SLC35A1: variants seen among roughly 807,000 people sequenced by gnomAD.
SLC35A1 encodes CMP-sialic acid transporter.
Under a neutral mutation model 40.3 loss-of-function variants are expected in SLC35A1, and 21 were observed. The observed-to-expected ratio is 0.52, with a 90% CI of 0.37 to 0.75. SLC35A1 has a LOEUF of 0.75. Ranked by LOEUF, SLC35A1 falls within the 30% of genes least tolerant of loss-of-function variation. The pLI, the probability that SLC35A1 is intolerant of heterozygous loss-of-function variation, is 0.00. For synonymous variants in SLC35A1, 146 were observed against 147.3 expected (o/e 0.99, Z 0.06); for missense variants, 297 against 382.1 (o/e 0.78, Z 1.86).
At chr6:87,475,579 A>G (rs889136011) in intron 1 of SLC35A1, among the ~76,000 whole-genome samples, 1 of 152,220 alleles carries the variant, frequency 6.6e-6, no homozygotes, top group Admixed American at 6.5e-5. Flanking sequence ...AAAACCTGAT[A>G]TGGTTTTTAA....
At chr6:87,498,689 G>A (rs751973643) in intron 2 of SLC35A1, among the ~76,000 whole-genome samples, 1 of 152,186 alleles carries the variant, frequency 6.6e-6, no homozygotes, top group Non-Finnish European at 1.5e-5. Context: ...GAGAATCCAT[G>A]AACCTGGGAG....
chr6:87,476,117 G>A (rs544135215), intron 1 of SLC35A1, among the ~76,000 whole-genome samples: 57 of 152,206 alleles, frequency 3.7e-4, no homozygotes, highest in Non-Finnish European at 7.3e-4. Flanking sequence ...ACAGGCTCTG[G>A]TGCCTGAGAG....
intron 5 of SLC35A1, chr6:87,507,157 A>G (rs1770111890): frequency 6.6e-6 from 1 of 152,240 alleles, no homozygotes; most frequent in Non-Finnish European, 1.5e-5. Context: ...TTAGTAGAAT[A>G]TATTAGTTAT....
intron 2 of SLC35A1, among the ~76,000 whole-genome samples, chr6:87,494,826 G>C (rs1769670198): frequency 6.6e-6 from 1 of 152,164 alleles, no homozygotes; most frequent in Admixed American, 6.5e-5. Context: ...AATTACTGCT[G>C]CAATTCACGG....
chr6:87,511,615 A>G lies in SLC35A1; in HGVS notation c.*89A>G. On this transcript the variant is annotated 3_prime_UTR_variant, in exon 8 of 8. Transcript: ENST00000369552. ...CAATCTCAGAAGGTAGCATAAACAA[A>G]TAAAAATTAACTGTATGGCATGATC... 2.1e-6 allele frequency: 3 copies of G among 1,409,952 alleles called. No individual in the cohort carries two copies. Among genetic ancestry groups the G allele is most frequent in the Non-Finnish European group, 3.0e-6 (3 of 995,226 alleles). 87.3% of individuals were successfully genotyped at this position (1,409,952 alleles called of 1,614,324 possible).
intron 2 of SLC35A1, among the ~76,000 whole-genome samples, chr6:87,496,791 A>AAAAC (rs10658623): frequency 0.35 from 49,083 of 139,020 alleles, 9,476 homozygotes; most frequent in Admixed American, 0.43. Flanking sequence ...AAAAAAAAAA[A>AAAAC]AAAGAAAAAC....
chr6:87,474,784 A>G (rs550360265), intron 1 of SLC35A1, among the ~76,000 whole-genome samples: 36 of 152,332 alleles, frequency 2.4e-4, no homozygotes, highest in African/African-American at 7.5e-4. Flanking sequence ...GCACATACCT[A>G]AACTTATTTG....
In SLC35A1 at chr6:87,505,764, A is replaced by G. The variant is rs201268237; in HGVS notation, c.508-618A>G. Among the ~76,000 whole-genome samples, 3 of 152,166 alleles carry G rather than the reference A, an allele frequency of 2.0e-5. No homozygotes were observed. In the East Asian group the frequency reaches 5.8e-4, roughly 29 times the overall value. On this transcript the variant is annotated intron_variant, in intron 4 of 7. Transcript: ENST00000369552. ...ACTCATTCCCTCAGTAATGGCATCA[A>G]TCCCTTCTTGAGGACAGAGCCTTCA...
chr6:87,472,991 C>A lies in SLC35A1; in HGVS notation c.-13C>A, dbSNP rs1276958531. The A allele has an allele frequency of 1.5e-6, 1 of 669,174 alleles. No individual in the cohort carries two copies. Among genetic ancestry groups the A allele is most frequent in the Non-Finnish European group, 2.3e-6 (1 of 436,940 alleles). 41.5% of individuals were successfully genotyped at this position (669,174 alleles called of 1,614,324 possible). A position where few individuals can be genotyped will look rare whatever the true frequency, so the allele number is the denominator to read the frequency against. On this transcript the variant is annotated 5_prime_UTR_variant, in exon 1 of 8. It adds an upstream start codon to the 5' untranslated region. Transcript: ENST00000369552. ...GGGCGGGCGTCAGTTCCGCGGGGGGCTGTCGGGGAACCATGGCTGCCCCGA... is the reference window on the plus strand; with the variant it reads ...GGGCGGGCGTCAGTTCCGCGGGGGGATGTCGGGGAACCATGGCTGCCCCGA...
intron 2 of SLC35A1, among the ~76,000 whole-genome samples, chr6:87,495,679 A>G (rs1769705006): frequency 1.3e-5 from 2 of 150,492 alleles, no homozygotes; most frequent in African/African-American, 4.9e-5. Context: ...TTTTTGAGAC[A>G]GAGTCTAGCT....
intron 2 of SLC35A1, among the ~76,000 whole-genome samples, chr6:87,494,164 G>A (rs971092593): frequency 2.0e-5 from 3 of 151,670 alleles, no homozygotes; most frequent in African/African-American, 7.3e-5. Context: ...AAAGCTGCAT[G>A]GTATTCCATT....
intron 2 of SLC35A1, among the ~76,000 whole-genome samples, chr6:87,497,951 A>G (rs1582186115): frequency 6.7e-6 from 1 of 149,716 alleles, no homozygotes; most frequent in Non-Finnish European, 1.5e-5. Flanking sequence ...CTGGTCTCCA[A>G]CTCCTGGCCT....
chr6:87,499,010 A>G, intron 2 of SLC35A1: 1 of 366,532 alleles, frequency 2.7e-6, no homozygotes, highest in Non-Finnish European at 3.8e-6. Context: ...CAGCATATAG[A>G]CTTAACACTG....
At chr6:87,508,636 ATTTTTTT>A in intron 6 of SLC35A1, 40 bp downstream of exon 6, 2 of 1,441,692 alleles carry the variant, frequency 1.4e-6, no homozygotes, top group Non-Finnish European at 1.9e-6. Context: ...TAGATCCTTT[ATTTTTTT>A]TTTAAGTTAG....
At chr6:87,478,793 T>C (rs952692643) in intron 2 of SLC35A1, among the ~76,000 whole-genome samples, 1 of 152,212 alleles carries the variant, frequency 6.6e-6, no homozygotes, top group African/African-American at 2.4e-5. Flanking sequence ...ATACAAAATT[T>C]TCTTTTTTTC....
intron 5 of SLC35A1, among the ~76,000 whole-genome samples, chr6:87,507,925 A>C (rs1770138101): frequency 6.6e-6 from 1 of 150,482 alleles, no homozygotes; most frequent in Non-Finnish European, 1.5e-5. Context: ...ATGGCTTTAC[A>C]CAGCAAATTC....
intron 2 of SLC35A1, among the ~76,000 whole-genome samples, chr6:87,497,706 G>A (rs890551694): frequency 3.9e-5 from 6 of 151,962 alleles, no homozygotes; most frequent in Admixed American, 1.3e-4. Flanking sequence ...TTTGTTACCA[G>A]TGAAGGCTTC....
chr6:87,479,985 G>C lies in SLC35A1; in HGVS notation c.194+2446G>C, dbSNP rs189335699. ...GTTGATGAAATGCCAGAGTAAAAGG[G>C]ATAGCCAATTGAACTAGAGCATAAC... On this transcript the variant is annotated intron_variant, in intron 2 of 7. Transcript: ENST00000369552. Among the ~76,000 whole-genome samples, 176 of 152,288 alleles carry C rather than the reference G, an allele frequency of 1.2e-3. 2 individuals are homozygous for C. Among genetic ancestry groups the C allele is most frequent in the African/African-American group, 4.2e-3 (173 of 41,556 alleles).
intron 2 of SLC35A1, among the ~76,000 whole-genome samples, chr6:87,483,564 AG>A (rs1769306364): frequency 6.6e-6 from 1 of 152,148 alleles, no homozygotes; most frequent in South Asian, 2.1e-4. Context: ...AATTAGCGGA[AG>A]GCTCAACCCA....
Sources: gnomAD v4.1 joint callset for allele counts (sites outside exome capture counted in the v4.1 genomes callset) on GRCh38, gnomAD v4.1.1 for gene constraint, MANE v1.5 for transcripts, NCBI Gene and HGNC (gene_info 2026-07-23, HGNC 2026-07-21) for gene names.